The following NRXN1 variants were observed in gnomAD, a reference collection of about 807,000 sequenced individuals.
NRXN1 encodes neurexin-1.
Under a neutral mutation model 150.9 loss-of-function variants are expected in NRXN1, and 39 were observed. The observed-to-expected ratio is 0.26, with a 90% CI of 0.20 to 0.34. The LOEUF (loss-of-function observed/expected upper bound fraction) is 0.34, where lower values mean the gene tolerates loss of function less well. Among genes scored for constraint, NRXN1 ranks in the 10% least tolerant of loss-of-function variants. NRXN1 has a pLI of 1.00. For missense variants in NRXN1, 1,815 were observed against 1,949.9 expected, an observed-to-expected ratio of 0.93 and a Z score of 1.30; for synonymous variants, 924 against 757.0, an observed-to-expected ratio of 1.22 and a Z score of -3.62.
At chr2:49,929,035 G>A (rs904480275) in intron 22 of NRXN1, among the ~76,000 whole-genome samples, 1 of 152,076 alleles carries the variant, frequency 6.6e-6, no homozygotes, top group Admixed American at 6.6e-5. Context: ...ATTTTCCTCT[G>A]CTTCTTTCAA....
chr2:50,087,224 A>G (rs1270663862), intron 19 of NRXN1, among the ~76,000 whole-genome samples: 1 of 152,126 alleles, frequency 6.6e-6, no homozygotes, highest in Admixed American at 6.5e-5. Context: ...CTAATCTTGA[A>G]CTTTTTTTTG....
At chr2:50,944,771 T>G (rs1310133439) in intron 2 of NRXN1, among the ~76,000 whole-genome samples, 1 of 152,206 alleles carries the variant, frequency 6.6e-6, no homozygotes, top group Non-Finnish European at 1.5e-5. Context: ...TTGTTTTCTA[T>G]AAGAAGGACT....
intron 5 of NRXN1, among the ~76,000 whole-genome samples, chr2:50,748,513 C>T (rs1700244800): frequency 6.6e-6 from 1 of 151,898 alleles, no homozygotes; most frequent in African/African-American, 2.4e-5. Flanking sequence ...TTAATTAATC[C>T]CCATAAGCAT....
chr2:50,620,667 G>C (rs772497784), intron 7 of NRXN1, among the ~76,000 whole-genome samples: 1 of 152,168 alleles, frequency 6.6e-6, no homozygotes, highest in Non-Finnish European at 1.5e-5. Context: ...CAGCATGCAA[G>C]TGCCTAAGTC....
chr2:50,809,065 A>G (rs1295111843), intron 5 of NRXN1, among the ~76,000 whole-genome samples: 5 of 152,100 alleles, frequency 3.3e-5, no homozygotes, highest in Non-Finnish European at 5.9e-5. Flanking sequence ...CATGGGATTT[A>G]TAGAAAGTCA....
At chr2:50,994,571 T>A (rs374038043) in intron 2 of NRXN1, among the ~76,000 whole-genome samples, 1 of 151,988 alleles carries the variant, frequency 6.6e-6, no homozygotes, top group African/African-American at 2.4e-5. Flanking sequence ...AATCAGAGAA[T>A]TGATTTTTAA....
At chr2:50,373,963 G>C (rs1414088456) in intron 17 of NRXN1, among the ~76,000 whole-genome samples, 1 of 152,074 alleles carries the variant, frequency 6.6e-6, no homozygotes, top group Admixed American at 6.6e-5. Flanking sequence ...TTGGAAGGTA[G>C]AGATTGAAAG....
chr2:50,423,491 A>G (rs1314857190), intron 17 of NRXN1, among the ~76,000 whole-genome samples: 1 of 152,194 alleles, frequency 6.6e-6, no homozygotes, highest in Non-Finnish European at 1.5e-5. Context: ...AGTCACCTTA[A>G]GAAGAAAAAC....
At chr2:50,059,731 G>A in intron 19 of NRXN1, among the ~76,000 whole-genome samples, 1 of 152,234 alleles carries the variant, frequency 6.6e-6, no homozygotes, top group East Asian at 1.9e-4. Context: ...CATCCTAGCT[G>A]TGGCTAAAAG....
intron 10 of NRXN1, 102 bp downstream of exon 10, chr2:50,538,151 G>A (rs1444007317): frequency 3.0e-6 from 4 of 1,317,966 alleles, no homozygotes; most frequent in East Asian, 2.4e-5. Flanking sequence ...GTTTACTTCA[G>A]TAGAGTATAC....
In NRXN1 at chr2:50,285,067, A is replaced by C. The variant is rs565267975; in HGVS notation, c.3365-48097T>G. Among the ~76,000 whole-genome samples the C allele has an allele frequency of 2.4e-4, 36 of 152,322 alleles. No individual in the cohort carries two copies. In the South Asian group the frequency reaches 7.2e-3, roughly 31 times the overall value. On this transcript the variant is annotated intron_variant, in intron 17 of 22. Transcript: ENST00000401669. ...TAATTATTTATCCAATTTTTGGTGAATCAATGAGTGATGGCAGTTGTAGTT... is the reference window on the plus strand; with the variant it reads ...TAATTATTTATCCAATTTTTGGTGACTCAATGAGTGATGGCAGTTGTAGTT...
intron 17 of NRXN1, among the ~76,000 whole-genome samples, chr2:50,272,261 A>G (rs891914120): frequency 6.6e-5 from 10 of 152,174 alleles, no homozygotes; most frequent in Non-Finnish European, 1.5e-4. Flanking sequence ...CACAGGTCAG[A>G]CCTATGACAC....
intron 21 of NRXN1, among the ~76,000 whole-genome samples, chr2:49,980,464 G>A (rs1679813740): frequency 1.3e-5 from 2 of 152,166 alleles, no homozygotes; most frequent in South Asian, 4.1e-4. Context: ...AAAGTTGGTA[G>A]GAGTAGTTTT....
intron 5 of NRXN1, among the ~76,000 whole-genome samples, chr2:50,790,652 G>T (rs1705810913): frequency 6.6e-6 from 1 of 152,138 alleles, no homozygotes. Flanking sequence ...TAAAATGCAG[G>T]TTGAGTATTC....
chr2:50,702,477 T>C (rs1258123579), intron 5 of NRXN1, among the ~76,000 whole-genome samples: 2 of 152,142 alleles, frequency 1.3e-5, no homozygotes, highest in African/African-American at 2.4e-5. Flanking sequence ...CAAAGCTACA[T>C]AGTTCATCTT....
chr2:49,951,206 T>C (rs901269682), intron 21 of NRXN1, among the ~76,000 whole-genome samples: 3 of 151,902 alleles, frequency 2.0e-5, no homozygotes, highest in South Asian at 2.1e-4. Flanking sequence ...AATTAAGTTA[T>C]GGGGAAAAGA....
At chr2:50,362,987 G>C (rs1322111102) in intron 17 of NRXN1, among the ~76,000 whole-genome samples, 26 of 152,226 alleles carry the variant, frequency 1.7e-4, no homozygotes, top group African/African-American at 5.5e-4. Context: ...ACAAGCAATG[G>C]GGAAAGGATC....
chr2:50,329,357 T>G (rs927387316), intron 17 of NRXN1, among the ~76,000 whole-genome samples: 4 of 149,764 alleles, frequency 2.7e-5, no homozygotes, highest in South Asian at 4.2e-4. Context: ...ACGATGAGGG[T>G]TTTTTTTTCT....
chr2:50,283,402 A>T (rs1280172526), intron 17 of NRXN1, among the ~76,000 whole-genome samples: 1 of 152,204 alleles, frequency 6.6e-6, no homozygotes, highest in African/African-American at 2.4e-5. Context: ...TTAAAAATTG[A>T]ATCTGCTGCC....
Sources: allele counts gnomAD v4.1 joint callset (sites outside exome capture counted in the v4.1 genomes callset), GRCh38; gene constraint gnomAD v4.1.1; transcripts MANE v1.5; gene names NCBI Gene and HGNC (gene_info 2026-07-23, HGNC 2026-07-21).